The following UBA2 variants were observed in gnomAD, a reference collection of about 807,000 sequenced individuals.
UBA2 encodes the protein SUMO-activating enzyme subunit 2.
In UBA2, 11 loss-of-function variants were observed where a neutral mutation model predicts 77.2. The ratio of observed to expected loss-of-function variants is 0.14; its 90% CI spans 0.09 to 0.24. The LOEUF (loss-of-function observed/expected upper bound fraction) is 0.24, where lower values mean the gene tolerates loss of function less well. Among genes scored for constraint, UBA2 ranks in the 10% least tolerant of loss-of-function variants. UBA2 has a pLI of 1.00. For missense variants in UBA2, 487 were observed against 781.7 expected (o/e 0.62, Z 4.50); for synonymous variants, 278 against 276.7 (o/e 1.00, Z -0.05).
intron 6 of UBA2, among the ~76,000 whole-genome samples, chr19:34,441,736 C>T (rs1485024413): frequency 6.6e-6 from 1 of 151,652 alleles, no homozygotes; most frequent in Non-Finnish European, 1.5e-5. Context: ...GCCTGGGCAA[C>T]ATGGCGAAAC....
At chr19:34,460,713 G>A in intron 14 of UBA2, 147 bp downstream of exon 14, 1 of 565,638 alleles carries the variant, frequency 1.8e-6, no homozygotes, top group Non-Finnish European at 3.0e-6. Context: ...AGGTGACATT[G>A]CTGGGGGTCA....
chr19:34,454,663 A>T, intron 12 of UBA2, 107 bp downstream of exon 12: 2 of 595,566 alleles, frequency 3.4e-6, no homozygotes, highest in Non-Finnish European at 5.3e-6. Flanking sequence ...AATTGGTTTA[A>T]AGCAATGGAA....
At chr19:34,445,479 G>A (rs577780930) in intron 8 of UBA2, among the ~76,000 whole-genome samples, 4 of 123,752 alleles carry the variant, frequency 3.2e-5, no homozygotes, top group East Asian at 2.6e-4. Context: ...CACTCTTGTC[G>A]CCCAGGCTGG....
chr19:34,437,149 A>G (rs1346094424), intron 5 of UBA2, among the ~76,000 whole-genome samples: 1 of 151,822 alleles, frequency 6.6e-6, no homozygotes, highest in Non-Finnish European at 1.5e-5. Flanking sequence ...TTTGGTAGAG[A>G]TGAGGTTTTG....
At chr19:34,458,210 AAGG>A (rs2075589784) in intron 12 of UBA2, among the ~76,000 whole-genome samples, 1 of 152,152 alleles carries the variant, frequency 6.6e-6, no homozygotes, top group Admixed American at 6.5e-5. Context: ...TATATAATAC[AAGG>A]AGATGTCTTT....
At chr19:34,449,456 A>T (rs1387725588) in intron 8 of UBA2, among the ~76,000 whole-genome samples, 1 of 152,178 alleles carries the variant, frequency 6.6e-6, no homozygotes, top group Non-Finnish European at 1.5e-5. Context: ...AAGATTAAGG[A>T]TGCTCAGTTA....
intron 5 of UBA2, 103 bp downstream of exon 5, chr19:34,435,071 C>G: frequency 2.4e-6 from 2 of 839,548 alleles, no homozygotes; most frequent in Non-Finnish European, 3.7e-6. Context: ...AGGTGAACAT[C>G]CAAAATGTAA....
intron 14 of UBA2, 45 bp downstream of exon 14, chr19:34,460,611 C>A: frequency 7.4e-7 from 1 of 1,347,640 alleles, no homozygotes; most frequent in Non-Finnish European, 1.0e-6. Flanking sequence ...GAGGAGACTG[C>A]TTGAAGAGTG....
intron 6 of UBA2, among the ~76,000 whole-genome samples, chr19:34,440,213 A>G (rs564864590): frequency 6.6e-6 from 1 of 151,148 alleles, no homozygotes; most frequent in Non-Finnish European, 1.5e-5. Flanking sequence ...AGTCCCAGCT[A>G]CTTGGGAGAC....
intron 12 of UBA2, among the ~76,000 whole-genome samples, chr19:34,456,203 C>T (rs1305894479): frequency 6.7e-6 from 1 of 149,124 alleles, no homozygotes; most frequent in African/African-American, 2.5e-5. Flanking sequence ...CAACCTCCAC[C>T]TGCTGGGTTC....
chr19:34,435,017 C>G, intron 5 of UBA2, 49 bp downstream of exon 5: 1 of 1,247,760 alleles, frequency 8.0e-7, no homozygotes, highest in South Asian at 1.3e-5. Flanking sequence ...TATTTGAGAC[C>G]TTGGAGCAGG....
Position 34,438,671 on chromosome 19 carries a change from T to C in UBA2, c.486T>C (p.His162=). ...KKGVTECYEC[H]PKPTQRTFPG... ...GTGTGACCGAGTGTTATGAGTGTCATCCTAAGCCGACCCAGAGAACCTTTC... is the reference window on the plus strand; with the variant it reads ...GTGTGACCGAGTGTTATGAGTGTCACCCTAAGCCGACCCAGAGAACCTTTC... Residue 162 remains histidine (H), a synonymous_variant, in exon 6 of 17, where the codon CAT becomes CAC. Transcript: ENST00000246548. The C allele has an allele frequency of 6.2e-7, 1 of 1,614,182 alleles. No homozygotes were observed. Among genetic ancestry groups the C allele is most frequent in the Non-Finnish European group, 8.5e-7 (1 of 1,180,024 alleles).
chr19:34,450,336 G>T lies in UBA2; in HGVS notation c.843G>T (p.Pro281=). ...GGCGGAAAAGGAAACCTCCAGTTCCGTTGGACTGGGCTGAAGTACAAAGTC... is the reference window on the plus strand; with the variant it reads ...GGCGGAAAAGGAAACCTCCAGTTCCTTTGGACTGGGCTGAAGTACAAAGTC... ...KLWRKRKPPV[P]LDWAEVQSQG... Residue 281 remains proline, a synonymous_variant, in exon 9 of 17, where the codon CCG becomes CCT. Transcript: ENST00000246548. 2 of 1,609,166 alleles carry T rather than the reference G, an allele frequency of 1.2e-6. No homozygotes were observed. The highest frequency in any genetic ancestry group is 1.7e-6 in the Non-Finnish European group (2 of 1,178,664).
At position 34,469,105 on chromosome 19, in the gene UBA2, G is replaced by A. The variant is rs770090531; in HGVS notation, c.1807G>A (p.Val603Ile). ...AGAAGATTCTTCAAATAATGCCGAC[G>A]TCAGTGAAGAAGAGAGAAGCCGCAA... ...DEEDSSNNADVSEEERSRKRK... is the reference protein window; with the variant it reads ...DEEDSSNNADISEEERSRKRK... The change falls in exon 17 of 17, where the codon GTC (valine) becomes ATC (isoleucine). Residue 603 changes from valine (V) to isoleucine (I), a missense_variant. By Grantham distance (29) the Val-to-Ile change is conservative. Transcript: ENST00000246548. 2.9e-5 allele frequency: 47 copies of A among 1,613,366 alleles called. 1 individual carries two copies. Among genetic ancestry groups the A allele is most frequent in the South Asian group, 2.9e-4 (26 of 90,954 alleles).
intron 14 of UBA2, among the ~76,000 whole-genome samples, chr19:34,461,201 T>A (rs2075627431): frequency 6.6e-6 from 1 of 152,214 alleles, no homozygotes; most frequent in African/African-American, 2.4e-5. Flanking sequence ...ATGTCCCAGT[T>A]TTTGCCAGTG....
At chr19:34,452,237 AT>A in intron 10 of UBA2, 90 bp downstream of exon 10, 5 of 1,149,474 alleles carry the variant, frequency 4.3e-6, no homozygotes, top group Non-Finnish European at 6.0e-6. Context: ...TTTTTTGAAT[AT>A]TTACTAGATT....
intron 12 of UBA2, 34 bp from the exon 13 acceptor site, chr19:34,458,735 T>C: frequency 6.3e-7 from 1 of 1,590,680 alleles, no homozygotes; most frequent in Non-Finnish European, 8.6e-7. Flanking sequence ...TTACAGCACG[T>C]TTCCGATTTC....
At chr19:34,452,271 C>A in intron 10 of UBA2, 124 bp downstream of exon 10, 1 of 902,962 alleles carries the variant, frequency 1.1e-6, no homozygotes, top group South Asian at 2.3e-5. Flanking sequence ...ATTGATTTGG[C>A]TTGGATATTT....
At chr19:34,434,033 CA>C (rs1188186329) in intron 4 of UBA2, among the ~76,000 whole-genome samples, 1 of 151,316 alleles carries the variant, frequency 6.6e-6, no homozygotes, top group Non-Finnish European at 1.5e-5. Context: ...ATTACTTCCA[CA>C]TGTAAAAGTA....
Sources: allele counts gnomAD v4.1 joint callset (sites outside exome capture counted in the v4.1 genomes callset), GRCh38; gene constraint gnomAD v4.1.1; transcripts MANE v1.5; gene names NCBI Gene and HGNC (gene_info 2026-07-23, HGNC 2026-07-21).